SFSWAP: variants seen among roughly 807,000 people sequenced by gnomAD.
The protein encoded by SFSWAP is splicing factor, suppressor of white-apricot homolog.
A neutral mutation model predicts 100.7 loss-of-function variants in SFSWAP; 17 were observed. The ratio of observed to expected loss-of-function variants is 0.17; its 90% CI spans 0.12 to 0.25. SFSWAP has a LOEUF of 0.25. Ranked by LOEUF, SFSWAP falls within the 10% of genes least tolerant of loss-of-function variation. The pLI, the probability that SFSWAP is intolerant of heterozygous loss-of-function variation, is 1.00. For synonymous variants in SFSWAP, 504 were observed against 510.1 expected, an observed-to-expected ratio of 0.99 and a Z score of 0.16; for missense variants, 1,005 against 1,262.6, an observed-to-expected ratio of 0.80 and a Z score of 3.09.
At chr12:131,785,849 G>T (rs1016428410) in intron 14 of SFSWAP, 1 of 153,038 alleles carries the variant, frequency 6.5e-6, no homozygotes, top group African/African-American at 2.4e-5. Context: ...TCATGCCAGC[G>T]CACCACAGCC....
chr12:131,790,521 C>T (rs1885168453), intron 15 of SFSWAP, among the ~76,000 whole-genome samples: 3 of 152,160 alleles, frequency 2.0e-5, no homozygotes, highest in Admixed American at 6.5e-5. Context: ...GTTTTTCAGC[C>T]AGGCACAATG....
At chr12:131,720,897 C>T (rs1878412488) in intron 4 of SFSWAP, among the ~76,000 whole-genome samples, 1 of 152,166 alleles carries the variant, frequency 6.6e-6, no homozygotes, top group Admixed American at 6.5e-5. Context: ...TCTCACACAG[C>T]TATAAAAAAA....
chr12:131,724,993 G>A lies in SFSWAP; in HGVS notation c.607-412G>A, dbSNP rs1394735305. On this transcript the variant is annotated intron_variant, in intron 4 of 17. Coordinates refer to ENST00000261674, the MANE Select transcript of SFSWAP (RefSeq NM_004592.4). ...GAAACCTAGTCCCCGCTAAGAAGAAGGAAAGAGCAGTGATTCTGGTTATTG... is the reference window on the plus strand; with the variant it reads ...GAAACCTAGTCCCCGCTAAGAAGAAAGAAAGAGCAGTGATTCTGGTTATTG... Among the ~76,000 whole-genome samples, 4 of 152,156 alleles carry A rather than the reference G, an allele frequency of 2.6e-5. No individual in the cohort carries two copies. The South Asian group carries it at 8.3e-4, about 31-fold the overall frequency.
chr12:131,719,369 C>T, intron 3 of SFSWAP, 85 bp from the exon 4 acceptor site: 1 of 924,482 alleles, frequency 1.1e-6, no homozygotes, highest in South Asian at 1.4e-5. Flanking sequence ...GACAGCCAGT[C>T]ACATGCTTCC....
chr12:131,736,529 G>A (rs142989868), intron 7 of SFSWAP, among the ~76,000 whole-genome samples: 399 of 152,212 alleles, frequency 2.6e-3, no homozygotes, highest in Admixed American at 4.2e-3. Flanking sequence ...ATGCCCATAC[G>A]GTTTTTAAAG....
Position 131,717,001 on chromosome 12 carries a change from G to A in SFSWAP, c.520+2048G>A, listed in dbSNP as rs938907901. ...TCTGTAATCGTGTTCTCAGAACATT[G>A]CCTTATATACTGATTAATTTCGTTA... On this transcript the variant is annotated intron_variant, in intron 3 of 17. Coordinates refer to ENST00000261674, the MANE Select transcript of SFSWAP (RefSeq NM_004592.4). Among the ~76,000 whole-genome samples, 3 of 151,980 alleles carry A rather than the reference G, an allele frequency of 2.0e-5. 1 individual carries two copies. The highest frequency in any genetic ancestry group is 4.4e-5 in the Non-Finnish European group (3 of 68,012).
chr12:131,723,978 G>A (rs1878721081), intron 4 of SFSWAP, among the ~76,000 whole-genome samples: 3 of 152,186 alleles, frequency 2.0e-5, no homozygotes, highest in Admixed American at 2.0e-4. Context: ...TAGTAGGAGT[G>A]ATCATGATAT....
intron 16 of SFSWAP, among the ~76,000 whole-genome samples, chr12:131,798,396 T>C (rs1223541253): frequency 6.6e-6 from 1 of 152,206 alleles, no homozygotes; most frequent in East Asian, 1.9e-4. Context: ...AGACGCCTCA[T>C]GCACAGGCCG....
chr12:131,784,727 T>C (rs1221314621), intron 14 of SFSWAP: 2 of 174,760 alleles, frequency 1.1e-5, no homozygotes, highest in African/African-American at 4.7e-5. Flanking sequence ...AAAGCTTCTT[T>C]AGCTAAAGTC....
chr12:131,741,847 G>A (rs2136209304), intron 7 of SFSWAP, among the ~76,000 whole-genome samples: 1 of 152,250 alleles, frequency 6.6e-6, no homozygotes, highest in East Asian at 1.9e-4. Context: ...ACATGCTCCT[G>A]TAGCCTGAGA....
At chr12:131,763,088 G>T (rs755908872) in intron 11 of SFSWAP, among the ~76,000 whole-genome samples, 4 of 152,184 alleles carry the variant, frequency 2.6e-5, no homozygotes, top group Non-Finnish European at 5.9e-5. Context: ...CCCTGAGGCA[G>T]TTGTTGATGA....
Position 131,799,494 on chromosome 12 carries a change from G to C in SFSWAP, c.*6G>C. The C allele has an allele frequency of 1.2e-6, 2 of 1,613,408 alleles. No individual in the cohort carries two copies. Among genetic ancestry groups the C allele is most frequent in the Non-Finnish European group, 1.7e-6 (2 of 1,179,586 alleles). The stretch of plus-strand genomic sequence containing the variant: ...TGCAAACCAGCGCTTCCTGAGACGG[G>C]GCCAGCGGAGGCAGAGCCGGGAGGC... On this transcript the variant is annotated 3_prime_UTR_variant, in exon 18 of 18. Transcript: ENST00000261674.
At chr12:131,737,547 A>T (rs1424749885) in intron 7 of SFSWAP, among the ~76,000 whole-genome samples, 1 of 152,052 alleles carries the variant, frequency 6.6e-6, no homozygotes, top group African/African-American at 2.4e-5. Context: ...TCATCAGCTC[A>T]GTGTGTTTTT....
chr12:131,763,905 T>C (rs1882885958), intron 11 of SFSWAP, among the ~76,000 whole-genome samples: 1 of 151,520 alleles, frequency 6.6e-6, no homozygotes, highest in African/African-American at 2.4e-5. Flanking sequence ...GGCAGGCGGA[T>C]CACGAGGTCA....
chr12:131,733,919 A>G lies in SFSWAP; in HGVS notation c.1081+5491A>G, dbSNP rs1455363459. 6.6e-6 allele frequency among the ~76,000 whole-genome samples: 1 copy of G among 152,158 alleles called. No homozygotes were observed. Among genetic ancestry groups the G allele is most frequent in the Non-Finnish European group, 1.5e-5 (1 of 68,000 alleles). On this transcript the variant is annotated intron_variant, in intron 7 of 17. Transcript: ENST00000261674. This position sits in a 1 kb window ranked among gnomAD's most constrained non-coding sequence, Gnocchi z 5.1. ...TCCAGATGACTTACCTCCTAGATAC[A>G]GACAAGACCCCAAACACACACATGG...
At chr12:131,722,436 G>A (rs557886133) in intron 4 of SFSWAP, among the ~76,000 whole-genome samples, 1 of 152,152 alleles carries the variant, frequency 6.6e-6, no homozygotes, top group South Asian at 2.1e-4. Flanking sequence ...GGTGGCACGT[G>A]CCTGTAGTCC....
chr12:131,726,726 G>A (rs1306532471), intron 5 of SFSWAP, among the ~76,000 whole-genome samples: 2 of 152,222 alleles, frequency 1.3e-5, no homozygotes, highest in African/African-American at 2.4e-5. Flanking sequence ...GCTGGTGCTC[G>A]ATGCTGGCAA....
At position 131,719,565 on chromosome 12, in the gene SFSWAP, TGTC is replaced by T. The variant is rs1878271638; in HGVS notation, c.606+30_606+32del. On this transcript the variant is annotated intron_variant, in intron 4 of 17. Transcript: ENST00000261674. ...GTATGTGTCCTGCATGAGCACTAGT[TGTC>T]GTCATTATTATTTATCATAATTCAC... The T allele has an allele frequency of 3.3e-6, 5 of 1,528,422 alleles. No homozygotes were observed. The East Asian group carries it at 6.7e-5, about 21-fold the overall frequency. The allele number at this position is 1,528,422 out of a possible 1,614,324, so 94.7% of individuals were successfully genotyped here.
intron 11 of SFSWAP, among the ~76,000 whole-genome samples, chr12:131,760,266 A>G (rs1486394490): frequency 4.6e-5 from 7 of 152,222 alleles, no homozygotes; most frequent in Non-Finnish European, 5.9e-5. Context: ...CAGAAATGGC[A>G]GTAACTGCTA....
Sources: allele counts gnomAD v4.1 joint callset (sites outside exome capture counted in the v4.1 genomes callset), GRCh38; gene constraint gnomAD v4.1.1; non-coding constraint Gnocchi (gnomAD v3.1); transcripts MANE v1.5; gene names NCBI Gene and HGNC (gene_info 2026-07-23, HGNC 2026-07-21).